FAM76B: variants seen among roughly 807,000 people sequenced by gnomAD.
FAM76B encodes the protein family with sequence similarity 76 member B, also known as protein FAM76B.
FAM76B carries 16 observed loss-of-function variants against 51.8 expected under a neutral mutation model. That is an observed-to-expected ratio of 0.31 (90% CI 0.21 to 0.47). The LOEUF is 0.47. Ranked by LOEUF, FAM76B falls within the 20% of genes least tolerant of loss-of-function variation. FAM76B has a pLI of 1.00. For missense variants in FAM76B, 342 were observed against 392.6 expected (o/e 0.87, Z 1.09); for synonymous variants, 166 against 129.5 (o/e 1.28, Z -1.91).
chr11:95,777,554 A>G (rs1408316045), intron 8 of FAM76B, among the ~76,000 whole-genome samples: 1 of 151,442 alleles, frequency 6.6e-6, no homozygotes, highest in East Asian at 1.9e-4. Flanking sequence ...CTTTGTACAC[A>G]GGACAAATTT....
chr11:95,785,685 A>G (rs1372685177), intron 4 of FAM76B, among the ~76,000 whole-genome samples: 2 of 152,226 alleles, frequency 1.3e-5, no homozygotes, highest in Admixed American at 6.5e-5. Context: ...TACTTATTAC[A>G]TTAAGTCACT....
rs1859691546 is a variant in FAM76B, at chr11:95,769,851, T to C, written c.*1710A>G. On this transcript the variant is annotated 3_prime_UTR_variant, in exon 10 of 10. Coordinates refer to ENST00000358780, the MANE Select transcript of FAM76B (RefSeq NM_144664.5). ...TTCTAACTGAATCTTTTTGTATCACTTGAAAATTACCCTATATTATGCTTT... is the reference window on the plus strand; with the variant it reads ...TTCTAACTGAATCTTTTTGTATCACCTGAAAATTACCCTATATTATGCTTT... 6.6e-6 allele frequency: 1 copy of C among 151,576 alleles called. No individual in the cohort carries two copies. Among genetic ancestry groups the C allele is most frequent in the African/African-American group, 2.4e-5 (1 of 41,382 alleles). The allele number at this position is 151,576 out of a possible 1,614,324, so 9.4% of individuals were successfully genotyped here.
chr11:95,782,143 T>C (rs918755484), intron 5 of FAM76B, among the ~76,000 whole-genome samples: 1 of 152,182 alleles, frequency 6.6e-6, no homozygotes, highest in African/African-American at 2.4e-5. Flanking sequence ...ATGTTCTTGA[T>C]TTTTCCGTGA....
At chr11:95,779,516 T>C in intron 7 of FAM76B, 91 bp downstream of exon 7, 2 of 1,076,326 alleles carry the variant, frequency 1.9e-6, no homozygotes, top group Non-Finnish European at 2.7e-6. Flanking sequence ...AAAATACATG[T>C]TTCTATTTTT....
Position 95,786,178 on chromosome 11 carries a change from T to C in FAM76B, c.304A>G (p.Thr102Ala), listed in dbSNP as rs2120295558. The C allele has an allele frequency of 6.2e-7, 1 of 1,614,174 alleles. No individual in the cohort carries two copies. Among genetic ancestry groups the C allele is most frequent in the Middle Eastern group, 1.7e-4 (1 of 6,060 alleles). ...CATTGCTGTTTGCACTGTTCACAGGTCTGAGGTGGTCCATACTTTTTTTCT... is the reference window on the plus strand; with the variant it reads ...CATTGCTGTTTGCACTGTTCACAGGCCTGAGGTGGTCCATACTTTTTTTCT... ...NSEKKYGPPQ[T>A]CEQCKQQCAF... Residue 102 changes from threonine (T) to alanine (A), a missense_variant, in exon 4 of 10, where the codon ACC becomes GCC. Around this residue, in one of 3 missense-constraint regions of FAM76B, gnomAD observed 16 missense variants for 40.5 expected, o/e 0.40. Transcript: ENST00000358780.
chr11:95,780,495 T>C (rs1860211315), intron 5 of FAM76B, among the ~76,000 whole-genome samples: 1 of 152,022 alleles, frequency 6.6e-6, no homozygotes, highest in Non-Finnish European at 1.5e-5. Context: ...AGAAATTTCA[T>C]AGTAACAAAT....
At position 95,775,916 on chromosome 11, in the gene FAM76B, A is replaced by G. The variant is rs758791706; in HGVS notation, c.930+6T>C. The G allele has an allele frequency of 6.5e-7, 1 of 1,540,566 alleles. No individual in the cohort carries two copies. The highest frequency in any genetic ancestry group is 8.8e-7 in the Non-Finnish European group (1 of 1,142,162). On this transcript the variant is annotated splice_donor_region_variant and intron_variant, in intron 9 of 9. Coordinates refer to ENST00000358780, the MANE Select transcript of FAM76B (RefSeq NM_144664.5). ...CCTATCATTTTACGTAAATGATGGT[A>G]GTTACCTGAAGTTGTTCCACAGTTT...
chr11:95,786,099 A>G lies in FAM76B; in HGVS notation c.363+20T>C, dbSNP rs745789371. ...TTTTATTTAATTTCCAGAAGATGTC[A>G]TAACATAAATAAAGCATACCTTTCT... On this transcript the variant is annotated intron_variant, in intron 4 of 9. Coordinates refer to ENST00000358780, the MANE Select transcript of FAM76B (RefSeq NM_144664.5). 115 of 1,586,116 alleles carry G rather than the reference A, an allele frequency of 7.3e-5. 1 individual carries two copies. The highest frequency in any genetic ancestry group is 5.3e-4 in the South Asian group (46 of 86,506).
rs1402885581 is a variant in FAM76B, at chr11:95,770,647, A to G, written c.*914T>C. ...ACATAATTAAATGAATTCAAAGACC[A>G]ACAGCTTCCCTTATCACACAGAAAC... On this transcript the variant is annotated 3_prime_UTR_variant, in exon 10 of 10. Transcript: ENST00000358780. The G allele has an allele frequency of 6.6e-6, 1 of 151,798 alleles. No individual in the cohort carries two copies. The highest frequency in any genetic ancestry group is 2.4e-5 in the African/African-American group (1 of 41,366). The allele number at this position is 151,798 out of a possible 1,614,324, so 9.4% of individuals were successfully genotyped here.
At chr11:95,779,521 A>T in intron 7 of FAM76B, 86 bp downstream of exon 7, 1 of 1,141,930 alleles carries the variant, frequency 8.8e-7, no homozygotes, top group Non-Finnish European at 1.2e-6. Context: ...ACATGTTTCT[A>T]TTTTTTTATC....
Position 95,789,273 on chromosome 11 carries a change from C to G in FAM76B, c.87+119G>C, listed in dbSNP as rs905084899. ...GGGTCCCCGAGTGGGGAGGCGAGGG[C>G]TCCAGACTCCCAAACCCCTGAGGCG... On this transcript the variant is annotated intron_variant, in intron 1 of 9. Transcript: ENST00000358780. 3.4e-6 allele frequency: 4 copies of G among 1,161,712 alleles called. No homozygotes were observed. In the Admixed American group the frequency reaches 9.6e-5, roughly 28 times the overall value. 72.0% of individuals were successfully genotyped at this position (1,161,712 alleles called of 1,614,324 possible).
intron 3 of FAM76B, 102 bp from the exon 4 acceptor site, chr11:95,786,376 G>A: frequency 7.9e-6 from 11 of 1,395,706 alleles, no homozygotes; most frequent in Non-Finnish European, 1.0e-5. Context: ...AGAAAACTCA[G>A]GTAAAAAATT....
chr11:95,770,363 T>C lies in FAM76B; in HGVS notation c.*1198A>G, dbSNP rs1230099501. The C allele has an allele frequency of 1.3e-5, 2 of 151,858 alleles. No homozygotes were observed. The allele number at this position is 151,858 out of a possible 1,614,324, so 9.4% of individuals were successfully genotyped here. ...TATTCAAAGATTATCACAGATTGGA[T>C]TAAAAAGATCATTTAATTTTTTTCA... On this transcript the variant is annotated 3_prime_UTR_variant, in exon 10 of 10. Transcript: ENST00000358780.
chr11:95,789,578 T>G lies in FAM76B; in HGVS notation c.-100A>C. On this transcript the variant is annotated 5_prime_UTR_variant, in exon 1 of 10. Coordinates refer to ENST00000358780, the MANE Select transcript of FAM76B (RefSeq NM_144664.5). ...CGCCCGGGCCGCGGGCTCCTCCTCCTCCCCCTCCCCCTGCCTCGCGCCCAC... is the reference window on the plus strand; with the variant it reads ...CGCCCGGGCCGCGGGCTCCTCCTCCGCCCCCTCCCCCTGCCTCGCGCCCAC... 1 of 1,014,580 alleles carries G rather than the reference T, an allele frequency of 9.9e-7. No homozygotes were observed. Among genetic ancestry groups the G allele is most frequent in the Non-Finnish European group, 1.4e-6 (1 of 707,616 alleles). 62.8% of individuals were successfully genotyped at this position (1,014,580 alleles called of 1,614,324 possible). A position where few individuals can be genotyped will look rare whatever the true frequency, so the allele number is the denominator to read the frequency against.
Position 95,769,548 on chromosome 11 carries a change from G to C in FAM76B, c.*2013C>G, listed in dbSNP as rs1409249414. 1 of 151,994 alleles carries C rather than the reference G, an allele frequency of 6.6e-6. No individual in the cohort carries two copies. The highest frequency in any genetic ancestry group is 1.5e-5 in the Non-Finnish European group (1 of 67,732). The allele number at this position is 151,994 out of a possible 1,614,324, so 9.4% of individuals were successfully genotyped here. A position where few individuals can be genotyped will look rare whatever the true frequency, so the allele number is the denominator to read the frequency against. ...TAATTTTGATGTTAGCTAAGGGGAA[G>C]GACGAGGACAACTTTCTTTTGTAGT... On this transcript the variant is annotated 3_prime_UTR_variant, in exon 10 of 10. Transcript: ENST00000358780.
intron 5 of FAM76B, among the ~76,000 whole-genome samples, chr11:95,780,589 T>C (rs1001631667): frequency 6.6e-6 from 1 of 152,054 alleles, no homozygotes; most frequent in South Asian, 2.1e-4. Flanking sequence ...TAATTCATCA[T>C]GAATCCTTCA....
intron 9 of FAM76B, among the ~76,000 whole-genome samples, chr11:95,775,276 T>G (rs1240517426): frequency 6.6e-6 from 1 of 151,546 alleles, no homozygotes; most frequent in Non-Finnish European, 1.5e-5. Flanking sequence ...CCATGTTGGA[T>G]GTTCACCATC....
intron 1 of FAM76B, chr11:95,788,828 G>T: frequency 6.9e-7 from 1 of 1,444,502 alleles, no homozygotes; most frequent in South Asian, 1.2e-5. Context: ...TCAAGGATTG[G>T]TTAAATGTGA....
intron 8 of FAM76B, among the ~76,000 whole-genome samples, chr11:95,776,456 G>T (rs1334255162): frequency 6.6e-6 from 1 of 151,394 alleles, no homozygotes; most frequent in Non-Finnish European, 1.5e-5. Flanking sequence ...ATTTCACACT[G>T]GGTAATATAA....
Sources: allele counts gnomAD v4.1 joint callset (sites outside exome capture counted in the v4.1 genomes callset), GRCh38; gene constraint gnomAD v4.1.1; regional missense constraint gnomAD v4.1.1; transcripts MANE v1.5; gene names NCBI Gene and HGNC (gene_info 2026-07-23, HGNC 2026-07-21).